Variants in SRBD1 observed in about 807,000 individuals in gnomAD.
SRBD1 encodes S1 RNA binding domain 1.
SRBD1 carries 88 observed loss-of-function variants against 115.3 expected under a neutral mutation model. The observed-to-expected ratio is 0.76, with a 90% CI of 0.64 to 0.91. SRBD1 has a LOEUF of 0.91. SRBD1 is among the 40% of genes least tolerant of loss of function. SRBD1 has a pLI of 0.00. For synonymous variants in SRBD1, 509 were observed against 407.7 expected (o/e 1.25, Z -2.99); for missense variants, 1,385 against 1,177.4 (o/e 1.18, Z -2.58).
At chr2:45,508,162 T>C (rs967275790) in intron 14 of SRBD1, among the ~76,000 whole-genome samples, 1 of 152,168 alleles carries the variant, frequency 6.6e-6, no homozygotes, top group African/African-American at 2.4e-5. Context: ...TGTTTTTAAA[T>C]ATAAAAAATA....
intron 16 of SRBD1, among the ~76,000 whole-genome samples, chr2:45,462,169 G>A (rs181167672): frequency 6.6e-5 from 10 of 152,288 alleles, no homozygotes; most frequent in South Asian, 4.1e-4. Context: ...CACTCGCAGC[G>A]AATCACGCTG....
chr2:45,580,092 A>T (rs936880224), intron 6 of SRBD1, 79 bp from the exon 7 acceptor site: 29 of 1,151,770 alleles, frequency 2.5e-5, no homozygotes, highest in Non-Finnish European at 3.2e-5. Flanking sequence ...ATTAGAGGAC[A>T]TGCTGAGAAT....
intron 14 of SRBD1, among the ~76,000 whole-genome samples, chr2:45,530,505 T>C (rs778575527): frequency 2.6e-5 from 4 of 152,036 alleles, no homozygotes; most frequent in Non-Finnish European, 4.4e-5. Context: ...GTTAAAGTGC[T>C]TACAAAATAA....
At chr2:45,559,198 T>C (rs1672581400) in intron 10 of SRBD1, among the ~76,000 whole-genome samples, 2 of 152,228 alleles carry the variant, frequency 1.3e-5, no homozygotes, top group South Asian at 4.1e-4. Flanking sequence ...AATAATTATC[T>C]ACACTGTGGC....
intron 14 of SRBD1, among the ~76,000 whole-genome samples, chr2:45,521,308 C>CACAA (rs1671277043): frequency 6.6e-6 from 1 of 151,202 alleles, no homozygotes; most frequent in Non-Finnish European, 1.5e-5. Context: ...CACACACACA[C>CACAA]ACACACACAC....
intron 17 of SRBD1, 139 bp from the exon 18 acceptor site, chr2:45,418,680 A>G (rs1667908347): frequency 1.4e-6 from 1 of 737,246 alleles, no homozygotes; most frequent in Admixed American, 3.9e-5. Flanking sequence ...GGAGTTTAAA[A>G]AAAAAAACAA....
At chr2:45,565,450 C>A (rs1361029503) in intron 9 of SRBD1, among the ~76,000 whole-genome samples, 3 of 152,062 alleles carry the variant, frequency 2.0e-5, no homozygotes, top group Admixed American at 6.5e-5. Context: ...TGGACGGACC[C>A]CTACTTCACG....
chr2:45,395,790 A>G (rs937136961), intron 19 of SRBD1, among the ~76,000 whole-genome samples: 3 of 152,210 alleles, frequency 2.0e-5, no homozygotes, highest in Non-Finnish European at 4.4e-5. Flanking sequence ...TGTACATGAT[A>G]GGAAACAATG....
At chr2:45,577,263 A>G (rs1673208064) in intron 7 of SRBD1, among the ~76,000 whole-genome samples, 2 of 152,226 alleles carry the variant, frequency 1.3e-5, no homozygotes, top group African/African-American at 4.8e-5. Context: ...CTGTGTTTTG[A>G]AAAAGCTCCT....
chr2:45,567,487 T>C (rs1672867851), intron 9 of SRBD1, among the ~76,000 whole-genome samples: 1 of 151,968 alleles, frequency 6.6e-6, no homozygotes, highest in South Asian at 2.1e-4. Context: ...TGCATGCCCA[T>C]AGTCCCAGCT....
intron 1 of SRBD1, among the ~76,000 whole-genome samples, 189 bp from the exon 2 acceptor site, chr2:45,605,630 ACCATGGCTCATGCCTGTAATC>A (rs1674244277): frequency 6.6e-6 from 1 of 152,224 alleles, no homozygotes; most frequent in South Asian, 2.1e-4. Flanking sequence ...CTGGCTGGGC[ACCATGGCTCATGCCTGTAATC>A]CCAGCACTTT....
intron 10 of SRBD1, among the ~76,000 whole-genome samples, chr2:45,555,920 T>A (rs1179813008): frequency 2.6e-5 from 4 of 152,218 alleles, no homozygotes; most frequent in African/African-American, 9.6e-5. Flanking sequence ...CTACAGCATC[T>A]CTGCCCTTGC....
chr2:45,500,299 GTA>G (rs1357671212), intron 14 of SRBD1, among the ~76,000 whole-genome samples: 1 of 151,254 alleles, frequency 6.6e-6, no homozygotes, highest in Admixed American at 6.6e-5. Flanking sequence ...GTGTGTGTGT[GTA>G]TGTGTGTGTT....
intron 14 of SRBD1, among the ~76,000 whole-genome samples, chr2:45,541,127 G>A (rs1280781238): frequency 2.0e-5 from 3 of 152,212 alleles, no homozygotes; most frequent in Admixed American, 1.3e-4. Context: ...CACAGGGTCC[G>A]GCCACTGTGC....
rs3755073 is a variant in SRBD1 at position 45,413,235 on chromosome 2, C to T, written c.2392G>A (p.Val798Ile). 238 of 1,613,934 alleles carry T rather than the reference C, an allele frequency of 1.5e-4. No homozygotes were observed. Among genetic ancestry groups the T allele is most frequent in the Non-Finnish European group, 1.8e-4 (213 of 1,179,964 alleles). ...QGVAVTSSADVEVTNEKQGKK... is the reference protein window; with the variant it reads ...QGVAVTSSADIEVTNEKQGKK... Reference sequence around the variant, plus strand: ...CCCTGCTTCTCATTTGTGACCTCAACGTCTGCTGAAGATGTCACAGCAACT... The same window carrying T: ...CCCTGCTTCTCATTTGTGACCTCAATGTCTGCTGAAGATGTCACAGCAACT... Residue 798 changes from valine to isoleucine, a missense_variant, in exon 19 of 21, where the codon GTT (valine) becomes ATT (isoleucine). Coordinates refer to ENST00000263736, the MANE Select transcript of SRBD1 (RefSeq NM_018079.5).
chr2:45,485,514 TAGAC>T (rs1342260901), intron 15 of SRBD1, among the ~76,000 whole-genome samples: 8 of 152,168 alleles, frequency 5.3e-5, no homozygotes, highest in South Asian at 2.1e-4. Flanking sequence ...AAATCCATAA[TAGAC>T]AGTTTAATAT....
rs577175166 is a variant in SRBD1, at chr2:45,472,213, A to G, written c.2049+4780T>C. Reference sequence around the variant, plus strand: ...AATGCAGACCACCTCTGAAAACATTATAAGTGAAAGAGGTCAATCATAAAA... The same window carrying G: ...AATGCAGACCACCTCTGAAAACATTGTAAGTGAAAGAGGTCAATCATAAAA... On this transcript the variant is annotated intron_variant, in intron 16 of 20. Coordinates refer to ENST00000263736, the MANE Select transcript of SRBD1 (RefSeq NM_018079.5). Among the ~76,000 whole-genome samples the G allele has an allele frequency of 3.9e-5, 6 of 152,346 alleles. No homozygotes were observed. The East Asian group carries it at 9.6e-4, about 24-fold the overall frequency.
intron 19 of SRBD1, among the ~76,000 whole-genome samples, chr2:45,404,556 T>C (rs1046356396): frequency 2.6e-5 from 4 of 152,166 alleles, no homozygotes; most frequent in East Asian, 3.8e-4. Flanking sequence ...GTAAATCCTA[T>C]TGAGTCTACT....
intron 14 of SRBD1, among the ~76,000 whole-genome samples, chr2:45,539,265 G>A (rs1232327830): frequency 6.6e-6 from 1 of 152,000 alleles, no homozygotes; most frequent in Non-Finnish European, 1.5e-5. Flanking sequence ...AGTATATGTG[G>A]GAACCTTGAT....
Sources: allele counts gnomAD v4.1 joint callset (sites outside exome capture counted in the v4.1 genomes callset), GRCh38; gene constraint gnomAD v4.1.1; transcripts MANE v1.5; gene names NCBI Gene and HGNC (gene_info 2026-07-23, HGNC 2026-07-21).